AHDC1: variants seen among roughly 807,000 people sequenced by gnomAD.
AHDC1 encodes the protein AT-hook DNA binding motif containing 1.
In AHDC1, 7 loss-of-function variants were observed where a neutral mutation model predicts 87.9. The observed-to-expected ratio is 0.08, with a 90% confidence interval of 0.05 to 0.15. The LOEUF (loss-of-function observed/expected upper bound fraction) is 0.15. Among genes scored for constraint, AHDC1 ranks in the 10% least tolerant of loss-of-function variants. AHDC1 has a pLI of 1.00. For synonymous variants in AHDC1, 1,051 were observed against 1,006.8 expected (o/e 1.04, Z -0.83); for missense variants, 1,841 against 2,253.2 (o/e 0.82, Z 3.70).
chr1:27,568,174 G>C (rs1235744317), intron 3 of AHDC1: 1 of 152,310 alleles, frequency 6.6e-6, no homozygotes, highest in Non-Finnish European at 1.5e-5. Flanking sequence ...CAGCCGGTAA[G>C]CCATTCCATG....
In AHDC1 at chr1:27,549,110, A is replaced by G. The variant is rs1429540332; in HGVS notation, c.3006T>C (p.Tyr1002=). The stretch of plus-strand genomic sequence containing the variant: ...AGGCAGGGAGGCTGTTGCCACTGCC[A>G]TAGGCGAAGCTGCAGTCCTTGCTGT... ...CANSKDCSFA[Y]GSGNSLPASP... Residue 1002 remains tyrosine, a synonymous_variant, in exon 8 of 9, where the codon TAT becomes TAC. Coordinates refer to ENST00000673934, the MANE Select transcript of AHDC1 (RefSeq NM_001371928.1). The G allele has an allele frequency of 6.4e-7, 1 of 1,553,756 alleles. No individual in the cohort carries two copies. Among genetic ancestry groups the G allele is most frequent in the Middle Eastern group, 1.7e-4 (1 of 5,762 alleles).
At position 27,551,254 on chromosome 1, in the gene AHDC1, G is replaced by C. The variant is rs1381935926; in HGVS notation, c.862C>G (p.Leu288Val). The C allele has an allele frequency of 6.2e-7, 1 of 1,609,934 alleles. No individual in the cohort carries two copies. The highest frequency in any genetic ancestry group is 2.2e-5 in the East Asian group (1 of 44,852). ...PQPRFLDPQALEPLGEALELP... is the reference protein window; with the variant it reads ...PQPRFLDPQAVEPLGEALELP... Reference sequence around the variant, plus strand: ...TCCAGAGCTTCCCCGAGCGGCTCTAGTGCCTGCGGGTCCAGGAAGCGGGGC... The same window carrying C: ...TCCAGAGCTTCCCCGAGCGGCTCTACTGCCTGCGGGTCCAGGAAGCGGGGC... The change falls in exon 8 of 9, where the codon CTA (leucine) becomes GTA (valine). Residue 288 changes from leucine (L) to valine (V), a missense_variant. Transcript: ENST00000673934.
At chr1:27,575,282 G>A (rs895413495) in intron 3 of AHDC1, among the ~76,000 whole-genome samples, 2 of 152,226 alleles carry the variant, frequency 1.3e-5, no homozygotes, top group Non-Finnish European at 2.9e-5. Flanking sequence ...GGCTCCTGGA[G>A]GAGGTGACGG....
intron 3 of AHDC1, among the ~76,000 whole-genome samples, chr1:27,576,967 G>A (rs1388325040): frequency 5.3e-5 from 8 of 152,012 alleles, no homozygotes; most frequent in Non-Finnish European, 1.0e-4. Context: ...ACCCCCCAAC[G>A]CCAGCACCCA....
intron 3 of AHDC1, among the ~76,000 whole-genome samples, chr1:27,597,092 C>T (rs1258643538): frequency 6.6e-6 from 1 of 152,230 alleles, no homozygotes; most frequent in Non-Finnish European, 1.5e-5. Context: ...AGGGCTCTCA[C>T]CGACTGAGAG....
intron 3 of AHDC1, among the ~76,000 whole-genome samples, chr1:27,591,521 C>T (rs2089222361): frequency 6.6e-6 from 1 of 152,206 alleles, no homozygotes; most frequent in South Asian, 2.1e-4. Flanking sequence ...AGAATCTGGC[C>T]CAGATGGGGT....
intron 8 of AHDC1, among the ~76,000 whole-genome samples, chr1:27,539,541 G>A (rs1041238472): frequency 1.3e-5 from 2 of 152,034 alleles, no homozygotes; most frequent in African/African-American, 4.8e-5. Flanking sequence ...TGCCTACTGG[G>A]TTCAAGCAAT....
At position 27,551,874 on chromosome 1, in the gene AHDC1, T is replaced by G; in HGVS notation, c.242A>C (p.Asp81Ala). The G allele has an allele frequency of 6.2e-7, 1 of 1,607,118 alleles. No individual in the cohort carries two copies. The highest frequency in any genetic ancestry group is 8.5e-7 in the Non-Finnish European group (1 of 1,177,478). ...TRRPPVLAKG[D>A]DPLPPRAARP... ...GGCTGCCCGTGGGGGCAGCGGGTCGTCCCCCTTGGCAAGGACTGGTGGGCG... is the reference window on the plus strand; with the variant it reads ...GGCTGCCCGTGGGGGCAGCGGGTCGGCCCCCTTGGCAAGGACTGGTGGGCG... The change falls in exon 8 of 9, where the codon GAC (aspartate) becomes GCC (alanine). Residue 81 changes from aspartate to alanine, a missense_variant. Coordinates refer to ENST00000673934, the MANE Select transcript of AHDC1 (RefSeq NM_001371928.1).
In AHDC1 at chr1:27,563,319, C is replaced by T. The variant is rs557665913; in HGVS notation, c.-628-4436G>A. The stretch of plus-strand genomic sequence containing the variant: ...AGACACACACACATGCACACACACA[C>T]AGAACCTGTCACACAGCTGACCAAG... On this transcript the variant is annotated intron_variant, in intron 3 of 8. Transcript: ENST00000673934. This position sits in a 1 kb window ranked among gnomAD's most constrained non-coding sequence, Gnocchi z 6.1. Among the ~76,000 whole-genome samples the T allele has an allele frequency of 3.0e-4, 45 of 151,562 alleles. 1 individual carries two copies. In the South Asian group the frequency reaches 8.8e-3, roughly 30 times the overall value.
chr1:27,535,993 C>T lies in AHDC1; in HGVS notation c.*44-1077G>A, dbSNP rs569049151. The stretch of plus-strand genomic sequence containing the variant: ...GACTTCTGTCCTCCTCTCAGAGCCC[C>T]GAGACACACATCTCCCACCCTCAGT... On this transcript the variant is annotated intron_variant, in intron 8 of 8. Transcript: ENST00000673934. 5.9e-5 allele frequency among the ~76,000 whole-genome samples: 9 copies of T among 152,156 alleles called. No homozygotes were observed. In the East Asian group the frequency reaches 1.2e-3, roughly 20 times the overall value.
In AHDC1 at chr1:27,547,606, G is replaced by A; in HGVS notation, c.4510C>T (p.His1504Tyr). 2 of 1,604,180 alleles carry A rather than the reference G, an allele frequency of 1.2e-6. No individual in the cohort carries two copies. The highest frequency in any genetic ancestry group is 1.7e-6 in the Non-Finnish European group (2 of 1,176,216). ...RTEAACLSAP[H>Y]LASPPATPKA... is the part of the protein sequence containing the mutation. ...GGCGTGGCTGGTGGGCTAGCCAGGT[G>A]AGGGGCACTGAGGCACGCGGCCTCC... is the stretch of plus-strand genomic sequence containing the variant. Residue 1504 changes from histidine (H) to tyrosine (Y), a missense_variant, in exon 8 of 9, where the codon CAC (histidine) becomes TAC (tyrosine). His to Tyr is a moderately conservative substitution (Grantham distance 83, BLOSUM62 2). Transcript: ENST00000673934. This position sits in a 1 kb window ranked among gnomAD's most constrained non-coding sequence, Gnocchi z 4.9.
In AHDC1 at chr1:27,551,136, T is replaced by C; in HGVS notation, c.980A>G (p.Gln327Arg). The C allele has an allele frequency of 6.3e-7, 1 of 1,597,898 alleles. No homozygotes were observed. The highest frequency in any genetic ancestry group is 8.5e-7 in the Non-Finnish European group (1 of 1,172,632). Residue 327 changes from glutamine to arginine, a missense_variant, in exon 8 of 9, where the codon CAG becomes CGG. Around this residue, in one of 13 missense-constraint regions of AHDC1, gnomAD observed 370 missense variants for 391.5 expected, o/e 0.95. Transcript: ENST00000673934. ...GTCGAGTGCCTGGGGGTCAAGCAGC[T>C]GCGACTCCAAGGAGTCAGGCAGGGT... The part of the protein sequence containing the change: ...LDTLPDSLES[Q>R]LLDPQALDPL...
intron 3 of AHDC1, among the ~76,000 whole-genome samples, chr1:27,568,722 G>A (rs1009245172): frequency 2.1e-4 from 32 of 151,892 alleles, no homozygotes; most frequent in Middle Eastern, 3.4e-3. Flanking sequence ...GTGCCCGGGA[G>A]GGGGCGCTCC....
chr1:27,565,154 G>A lies in AHDC1; in HGVS notation c.-628-6271C>T, dbSNP rs1225064993. 6.6e-6 allele frequency among the ~76,000 whole-genome samples: 1 copy of A among 152,180 alleles called. No homozygotes were observed. The highest frequency in any genetic ancestry group is 1.5e-5 in the Non-Finnish European group (1 of 68,018). ...CAGGGAAGCGGCTAATTTTAGCTGAGGCCTCGATGCCAGCTTTGTTCCCCC... is the reference window on the plus strand; with the variant it reads ...CAGGGAAGCGGCTAATTTTAGCTGAAGCCTCGATGCCAGCTTTGTTCCCCC... On this transcript the variant is annotated intron_variant, in intron 3 of 8. Transcript: ENST00000673934. This position sits in a 1 kb window ranked among gnomAD's most constrained non-coding sequence, Gnocchi z 4.6.
rs1321975812 is a variant in AHDC1 at position 27,549,593 on chromosome 1, G to A, written c.2523C>T (p.Arg841=). The change falls in exon 8 of 9, where the codon CGC becomes CGT. Residue 841 remains arginine, a synonymous_variant. Coordinates refer to ENST00000673934, the MANE Select transcript of AHDC1 (RefSeq NM_001371928.1). ...AGGAGTCATCCGAATCGAGCAGCGA[G>A]CGAAAGTAGCCGGTGAAGAGGTTTT... ...ERQNLFTGYF[R]SLLDSDDSSD... is the part of the protein sequence containing the mutation. 1.2e-6 allele frequency: 2 copies of A among 1,613,144 alleles called. No individual in the cohort carries two copies. The highest frequency in any genetic ancestry group is 1.1e-5 in the South Asian group (1 of 91,088).
chr1:27,537,125 A>C (rs1005473587), intron 8 of AHDC1, among the ~76,000 whole-genome samples: 2 of 152,148 alleles, frequency 1.3e-5, no homozygotes, highest in Non-Finnish European at 2.9e-5. Context: ...GGGGGAAATC[A>C]AAGCCCAAAA....
intron 3 of AHDC1, among the ~76,000 whole-genome samples, chr1:27,589,868 C>A (rs111317095): frequency 1.2e-3 from 188 of 152,300 alleles, no homozygotes; most frequent in African/African-American, 4.4e-3. Context: ...GCCAGTGGGG[C>A]CAGGGCCAGG....
At position 27,561,244 on chromosome 1, in the gene AHDC1, C is replaced by A. The variant is rs1294179265; in HGVS notation, c.-628-2361G>T. Among the ~76,000 whole-genome samples the A allele has an allele frequency of 2.6e-5, 4 of 152,190 alleles. No homozygotes were observed. The highest frequency in any genetic ancestry group is 5.9e-5 in the Non-Finnish European group (4 of 68,038). ...CAGTGGGGGTAGATTGGCTGCCCCCCATTCAGGCCCCCACAGCTCGGCTCA... is the reference window on the plus strand; with the variant it reads ...CAGTGGGGGTAGATTGGCTGCCCCCAATTCAGGCCCCCACAGCTCGGCTCA... On this transcript the variant is annotated intron_variant, in intron 3 of 8. Transcript: ENST00000673934. This position sits in a 1 kb window ranked among gnomAD's most constrained non-coding sequence, Gnocchi z 4.2.
intron 3 of AHDC1, chr1:27,568,405 T>C (rs1557684881): frequency 6.6e-6 from 1 of 152,176 alleles, no homozygotes; most frequent in Non-Finnish European, 1.5e-5. Flanking sequence ...AGAGGTCTTG[T>C]GAGGAGCTTC....
Sources: gnomAD v4.1 joint callset for allele counts (sites outside exome capture counted in the v4.1 genomes callset) on GRCh38, gnomAD v4.1.1 for gene constraint, gnomAD v4.1.1 regional missense constraint, Gnocchi (gnomAD v3.1) non-coding constraint, MANE v1.5 for transcripts, NCBI Gene and HGNC (gene_info 2026-07-23, HGNC 2026-07-21) for gene names.